The following ETNK1 variants were observed in gnomAD, a reference collection of about 807,000 sequenced individuals.
ETNK1 encodes putative protein product of Nbla10396.
ETNK1 carries 8 observed loss-of-function variants against 45.1 expected under a neutral mutation model. That is an observed-to-expected ratio of 0.18 (90% CI 0.10 to 0.32). The LOEUF is 0.32. ETNK1 is among the 10% of genes least tolerant of loss of function. The pLI is 1.00. For synonymous variants in ETNK1, 152 were observed against 151.9 expected (o/e 1.00, Z -0.01); for missense variants, 302 against 430.6 (o/e 0.70, Z 2.64).
intron 2 of ETNK1, among the ~76,000 whole-genome samples, chr12:22,652,284 T>C (rs1953887624): frequency 6.6e-6 from 1 of 152,220 alleles, no homozygotes; most frequent in Admixed American, 6.5e-5. Context: ...AATAGTCACT[T>C]TTGGCTATTG....
intron 6 of ETNK1, among the ~76,000 whole-genome samples, chr12:22,679,449 T>C (rs536140108): frequency 6.6e-5 from 10 of 152,250 alleles, no homozygotes; most frequent in East Asian, 3.9e-4. Flanking sequence ...CCAGCCGACA[T>C]TGAGGGTGGG....
rs373263533 is a variant in ETNK1 at position 22,636,130 on chromosome 12, T to C, written c.157-7633T>C. ...GTGAGCTGTGATTGTGTCACTGCAC[T>C]GCAGCCTGGGTGAACAGAGTGGGAC... is the stretch of plus-strand genomic sequence containing the variant. On this transcript the variant is annotated intron_variant, in intron 1 of 7. Coordinates refer to ENST00000266517, the MANE Select transcript of ETNK1 (RefSeq NM_018638.5). Among the ~76,000 whole-genome samples the C allele has an allele frequency of 1.1e-3, 173 of 152,276 alleles. 1 individual carries two copies. Among genetic ancestry groups the C allele is most frequent in the African/African-American group, 4.1e-3 (169 of 41,560 alleles).
chr12:22,625,679 G>T, intron 1 of ETNK1, 93 bp downstream of exon 1: 1 of 1,500,338 alleles, frequency 6.7e-7, no homozygotes, highest in South Asian at 1.2e-5. Flanking sequence ...GATGACCGAG[G>T]AGGACCTAGG....
At chr12:22,669,916 C>T (rs967020089) in intron 4 of ETNK1, among the ~76,000 whole-genome samples, 5 of 152,024 alleles carry the variant, frequency 3.3e-5, no homozygotes, top group Non-Finnish European at 5.9e-5. Context: ...ATACACATTA[C>T]ATTTTTATAA....
chr12:22,671,415 T>C, intron 5 of ETNK1, 60 bp downstream of exon 5: 1 of 1,130,638 alleles, frequency 8.8e-7, no homozygotes, highest in South Asian at 1.3e-5. Flanking sequence ...TATTTCATTC[T>C]TTTTTTAAAG....
At chr12:22,634,111 C>A (rs1219340969) in intron 1 of ETNK1, among the ~76,000 whole-genome samples, 1 of 151,918 alleles carries the variant, frequency 6.6e-6, no homozygotes, top group African/African-American at 2.4e-5. Context: ...CCAGATTAAG[C>A]AAGTTTCTTT....
At chr12:22,626,623 A>G (rs559326918) in intron 1 of ETNK1, among the ~76,000 whole-genome samples, 2 of 152,342 alleles carry the variant, frequency 1.3e-5, no homozygotes, top group African/African-American at 2.4e-5. Flanking sequence ...TGAATAAAAC[A>G]TGAGCAGTGC....
intron 1 of ETNK1, among the ~76,000 whole-genome samples, chr12:22,633,213 T>C (rs1953603907): frequency 6.6e-6 from 1 of 152,216 alleles, no homozygotes; most frequent in African/African-American, 2.4e-5. Flanking sequence ...GAGTTTCACT[T>C]ATGGTATATC....
chr12:22,658,281 C>T (rs953820168), intron 2 of ETNK1, among the ~76,000 whole-genome samples: 3 of 152,000 alleles, frequency 2.0e-5, no homozygotes, highest in African/African-American at 7.2e-5. Context: ...TAGGAGGTAC[C>T]TATCAAAAGA....
At chr12:22,626,227 T>G (rs944602944) in intron 1 of ETNK1, 1 of 147,634 alleles carries the variant, frequency 6.8e-6, no homozygotes, top group Non-Finnish European at 1.5e-5. Flanking sequence ...GGCTTGTGAC[T>G]GTTTCCTTTT....
At position 22,689,834 on chromosome 12, in the gene ETNK1, G is replaced by C. The variant is rs2137584739; in HGVS notation, c.*4880G>C. The C allele has an allele frequency of 6.6e-6, 1 of 152,118 alleles. No homozygotes were observed. The highest frequency in any genetic ancestry group is 6.5e-5 in the Admixed American group (1 of 15,280). The allele number at this position is 152,118 out of a possible 1,614,324, so 9.4% of individuals were successfully genotyped here. ...ATTCTTATTTGTCCAATAATCTGAA[G>C]TAGTTTCCTATATTTATCTGTACTA... On this transcript the variant is annotated 3_prime_UTR_variant, in exon 8 of 8. Coordinates refer to ENST00000266517, the MANE Select transcript of ETNK1 (RefSeq NM_018638.5).
chr12:22,664,763 T>C (rs1340935163), intron 4 of ETNK1, among the ~76,000 whole-genome samples: 1 of 152,154 alleles, frequency 6.6e-6, no homozygotes, highest in Admixed American at 6.5e-5. Flanking sequence ...CAAACATGTT[T>C]GATTTTTTAT....
intron 4 of ETNK1, among the ~76,000 whole-genome samples, chr12:22,662,077 C>T (rs12370251): frequency 0.37 from 43,544 of 118,754 alleles, 7,788 homozygotes; most frequent in Non-Finnish European, 0.42. Context: ...CTTTTTTTTT[C>T]CTTTTTTGAG....
intron 1 of ETNK1, among the ~76,000 whole-genome samples, chr12:22,633,178 T>A (rs565002453): frequency 6.6e-6 from 1 of 152,286 alleles, no homozygotes; most frequent in South Asian, 2.1e-4. Context: ...TTGTCCCGGT[T>A]TATATTCCTA....
At chr12:22,656,795 A>G (rs1316938093) in intron 2 of ETNK1, 22 of 982,586 alleles carry the variant, frequency 2.2e-5, no homozygotes, top group Middle Eastern at 5.2e-4. Flanking sequence ...AAAAAACCAC[A>G]GCAAATAAAA....
intron 2 of ETNK1, among the ~76,000 whole-genome samples, chr12:22,649,111 A>T (rs1158779972): frequency 6.6e-6 from 1 of 152,102 alleles, no homozygotes; most frequent in African/African-American, 2.4e-5. Context: ...TATTTTGGAT[A>T]ATAATCCATT....
At chr12:22,684,853 AT>A in intron 7 of ETNK1, 28 bp from the exon 8 acceptor site, 14 of 1,570,542 alleles carry the variant, frequency 8.9e-6, no homozygotes, top group East Asian at 2.3e-5. Context: ...GCTTTGACTA[AT>A]TTTTTTGTTG....
intron 1 of ETNK1, among the ~76,000 whole-genome samples, chr12:22,631,976 C>T (rs867333909): frequency 6.6e-6 from 1 of 152,036 alleles, no homozygotes; most frequent in Non-Finnish European, 1.5e-5. Flanking sequence ...CATATACCCA[C>T]CCCAACCCAG....
Position 22,677,091 on chromosome 12 carries a change from G to A in ETNK1, c.945+3431G>A, listed in dbSNP as rs376423024. On this transcript the variant is annotated intron_variant, in intron 6 of 7. Transcript: ENST00000266517. Reference sequence around the variant, plus strand: ...AGTCATGAAGTCTTTGCCCATGCCTGTGTCCTGAATGGTATTGCCTAGGTT... The same window carrying A: ...AGTCATGAAGTCTTTGCCCATGCCTATGTCCTGAATGGTATTGCCTAGGTT... 3.0e-4 allele frequency among the ~76,000 whole-genome samples: 45 copies of A among 152,184 alleles called. No individual in the cohort carries two copies. In the South Asian group the frequency reaches 9.1e-3, roughly 31 times the overall value.
Sources: allele counts gnomAD v4.1 joint callset (sites outside exome capture counted in the v4.1 genomes callset), GRCh38; gene constraint gnomAD v4.1.1; transcripts MANE v1.5; gene names NCBI Gene and HGNC (gene_info 2026-07-23, HGNC 2026-07-21).